The following ZC3HAV1 variants were observed in gnomAD, a reference collection of about 807,000 sequenced individuals.
ZC3HAV1 encodes zinc finger CCCH-type antiviral protein 1.
A neutral mutation model predicts 86.6 loss-of-function variants in ZC3HAV1; 41 were observed. The observed-to-expected ratio is 0.47, with a 90% CI of 0.37 to 0.61. ZC3HAV1 has a LOEUF of 0.61. Among genes scored for constraint, ZC3HAV1 ranks in the 20% least tolerant of loss-of-function variants. The pLI is 0.00. For missense variants in ZC3HAV1, 964 were observed against 1,141.1 expected (o/e 0.84, Z 2.24); for synonymous variants, 421 against 432.1 (o/e 0.97, Z 0.32).
Position 139,089,652 on chromosome 7 carries a change from A to G in ZC3HAV1, c.416T>C (p.Leu139Pro). 1 of 1,611,130 alleles carries G rather than the reference A, an allele frequency of 6.2e-7. No individual in the cohort carries two copies. Among genetic ancestry groups the G allele is most frequent in the South Asian group, 1.1e-5 (1 of 90,348 alleles). ...GGGCATAAAAAAAGGATCACTTTGG[A>G]GGAGGAGCACTGCTAATTCCTCTTT... ...LNKEELAVLL[L>P]QSDPFFMPEI... is the part of the protein sequence containing the mutation. Residue 139 changes from leucine to proline, a missense_variant, in exon 2 of 13, where the codon CTC becomes CCC. Coordinates refer to ENST00000242351, the MANE Select transcript of ZC3HAV1 (RefSeq NM_020119.4).
At chr7:139,101,830 A>T (rs564175689) in intron 1 of ZC3HAV1, among the ~76,000 whole-genome samples, 2 of 151,908 alleles carry the variant, frequency 1.3e-5, no homozygotes, top group African/African-American at 4.8e-5. Context: ...AAGAGTCATC[A>T]CCACTCCCTA....
chr7:139,073,511 GAC>G (rs1816841891), intron 7 of ZC3HAV1, among the ~76,000 whole-genome samples: 1 of 151,836 alleles, frequency 6.6e-6, no homozygotes, highest in Admixed American at 6.6e-5. Flanking sequence ...TTATTTTGGA[GAC>G]AGAGTCTCAA....
chr7:139,051,164 T>G lies in ZC3HAV1; in HGVS notation c.2449+2287A>C, dbSNP rs867248073. Among the ~76,000 whole-genome samples the G allele has an allele frequency of 9.2e-5, 14 of 152,162 alleles. No individual in the cohort carries two copies. In the Middle Eastern group the frequency reaches 0.014, roughly 148 times the overall value. The stretch of plus-strand genomic sequence containing the variant: ...CCTCTGCCTCCCGGGTTCAAGCGAT[T>G]ATCCTGCCTCAGCCTCCCAAGTAGC... On this transcript the variant is annotated intron_variant, in intron 12 of 12. Transcript: ENST00000242351.
chr7:139,071,660 C>G (rs959611464), intron 7 of ZC3HAV1, among the ~76,000 whole-genome samples: 1 of 152,084 alleles, frequency 6.6e-6, no homozygotes. Flanking sequence ...TTTTCACACA[C>G]ACGGGAGTTT....
intron 7 of ZC3HAV1, among the ~76,000 whole-genome samples, chr7:139,066,962 T>G (rs1584848432): frequency 6.6e-6 from 1 of 152,132 alleles, no homozygotes; most frequent in African/African-American, 2.4e-5. Context: ...TGATTTAGAT[T>G]CCATACTTCA....
chr7:139,081,742 T>C (rs1317817768), intron 3 of ZC3HAV1, among the ~76,000 whole-genome samples: 2 of 152,232 alleles, frequency 1.3e-5, no homozygotes, highest in Non-Finnish European at 2.9e-5. Context: ...TATCTACCTT[T>C]CTTTGTGGTT....
intron 8 of ZC3HAV1, among the ~76,000 whole-genome samples, chr7:139,063,835 C>T (rs770611572): frequency 3.3e-5 from 5 of 152,008 alleles, no homozygotes; most frequent in African/African-American, 4.8e-5. Context: ...GCCAGATACG[C>T]CACTGAAATT....
At chr7:139,088,525 T>C (rs931547633) in intron 2 of ZC3HAV1, among the ~76,000 whole-genome samples, 1 of 152,138 alleles carries the variant, frequency 6.6e-6, no homozygotes, top group Non-Finnish European at 1.5e-5. Context: ...TACAGACTCA[T>C]TGTACACAGA....
chr7:139,104,505 G>C (rs375033799), intron 1 of ZC3HAV1, among the ~76,000 whole-genome samples: 4 of 150,116 alleles, frequency 2.7e-5, no homozygotes, highest in African/African-American at 9.8e-5. Context: ...CCTGAGCTCA[G>C]GAGTTGGAGA....
chr7:139,094,349 G>A (rs1817517822), intron 1 of ZC3HAV1, among the ~76,000 whole-genome samples: 1 of 152,086 alleles, frequency 6.6e-6, no homozygotes, highest in African/African-American at 2.4e-5. Context: ...GAAGCTGTGG[G>A]AACTCCCCTC....
chr7:139,098,401 A>C (rs1025566893), intron 1 of ZC3HAV1, among the ~76,000 whole-genome samples: 2 of 152,248 alleles, frequency 1.3e-5, no homozygotes, highest in Admixed American at 1.3e-4. Flanking sequence ...GTACATGCTC[A>C]AAACATTCTC....
intron 10 of ZC3HAV1, 109 bp downstream of exon 10, chr7:139,055,096 A>C: frequency 2.0e-6 from 2 of 992,114 alleles, no homozygotes; most frequent in South Asian, 3.1e-5. Flanking sequence ...AGCCGATCTA[A>C]GAGTTTTGCG....
intron 7 of ZC3HAV1, among the ~76,000 whole-genome samples, chr7:139,066,219 T>C (rs1427967812): frequency 6.6e-6 from 1 of 152,102 alleles, no homozygotes; most frequent in Non-Finnish European, 1.5e-5. Flanking sequence ...CAAGCAGCCG[T>C]GGTGGAGAGG....
rs372258616 is a variant in ZC3HAV1, at chr7:139,053,441, C to T, written c.2449+10G>A. The T allele has an allele frequency of 2.2e-4, 345 of 1,572,204 alleles. 1 individual carries two copies. The African/African-American group carries it at 3.8e-3, about 17-fold the overall frequency. On this transcript the variant is annotated intron_variant, in intron 12 of 12. Coordinates refer to ENST00000242351, the MANE Select transcript of ZC3HAV1 (RefSeq NM_020119.4). The stretch of plus-strand genomic sequence containing the variant: ...CTCTACTAGTTACGCTTCTCTATCC[C>T]GGCACTAACCTTTTCCGTATTTGTT...
At chr7:139,100,831 CTCTCCCTCTCTTTCCACGG>C (rs1473445442) in intron 1 of ZC3HAV1, among the ~76,000 whole-genome samples, 4 of 151,916 alleles carry the variant, frequency 2.6e-5, no homozygotes, top group African/African-American at 9.7e-5. Context: ...CACGGTCTCC[CTCTCCCTCTCTTTCCACGG>C]TCTCCCTCTC....
intron 9 of ZC3HAV1, chr7:139,060,508 C>T (rs1816411247): frequency 1.0e-6 from 1 of 992,092 alleles, no homozygotes; most frequent in African/African-American, 1.7e-5. Flanking sequence ...GCCCCTCATC[C>T]TCTATAAATC....
chr7:139,053,138 A>G (rs1176526071), intron 12 of ZC3HAV1, among the ~76,000 whole-genome samples: 1 of 152,180 alleles, frequency 6.6e-6, no homozygotes, highest in African/African-American at 2.4e-5. Flanking sequence ...AGGAAGAGCC[A>G]AGCCAGAAGT....
At chr7:139,103,490 T>A (rs1817838519) in intron 1 of ZC3HAV1, among the ~76,000 whole-genome samples, 2 of 152,108 alleles carry the variant, frequency 1.3e-5, no homozygotes, top group African/African-American at 4.8e-5. Flanking sequence ...ACACCAAGCA[T>A]TAATTGGCCA....
intron 9 of ZC3HAV1, among the ~76,000 whole-genome samples, chr7:139,059,882 G>C (rs1359964905): frequency 1.3e-5 from 2 of 152,162 alleles, no homozygotes; most frequent in Non-Finnish European, 2.9e-5. Context: ...TCAGTGTTCG[G>C]AATGTGTTAC....
Sources: allele counts gnomAD v4.1 joint callset (sites outside exome capture counted in the v4.1 genomes callset), GRCh38; gene constraint gnomAD v4.1.1; transcripts MANE v1.5; gene names NCBI Gene and HGNC (gene_info 2026-07-23, HGNC 2026-07-21).